ITGA1: variants seen among roughly 807,000 people sequenced by gnomAD.
ITGA1 encodes integrin subunit alpha 1.
ITGA1 carries 85 observed loss-of-function variants against 145.9 expected under a neutral mutation model. The observed-to-expected ratio is 0.58, with a 90% CI of 0.49 to 0.70. The LOEUF (loss-of-function observed/expected upper bound fraction) is 0.70. Ranked by LOEUF, ITGA1 falls within the 30% of genes least tolerant of loss-of-function variation. The pLI, the probability that ITGA1 is intolerant of heterozygous loss-of-function variation, is 0.00. For missense variants in ITGA1, 1,351 were observed against 1,418.7 expected (o/e 0.95, Z 0.77); for synonymous variants, 520 against 495.3 (o/e 1.05, Z -0.66).
intron 1 of ITGA1, among the ~76,000 whole-genome samples, chr5:52,841,157 A>G (rs546756119): frequency 7.9e-5 from 12 of 152,348 alleles, no homozygotes; most frequent in Non-Finnish European, 1.6e-4. Flanking sequence ...CTGACATATT[A>G]CATCATTTCT....
At chr5:52,865,947 C>T in intron 6 of ITGA1, 130 bp downstream of exon 6, 1 of 664,270 alleles carries the variant, frequency 1.5e-6, no homozygotes, top group South Asian at 2.7e-5. Flanking sequence ...ATATCCATTT[C>T]CTGTTCTTAT....
chr5:52,879,578 T>G (rs1282777351), intron 6 of ITGA1, among the ~76,000 whole-genome samples: 3 of 152,214 alleles, frequency 2.0e-5, no homozygotes, highest in Non-Finnish European at 2.9e-5. Context: ...GAAAAGAATT[T>G]TAAATTTATG....
intron 1 of ITGA1, among the ~76,000 whole-genome samples, chr5:52,815,878 A>C (rs1182823164): frequency 6.6e-6 from 1 of 152,254 alleles, no homozygotes; most frequent in Non-Finnish European, 1.5e-5. Context: ...ACTACAGCTG[A>C]GTTTATAATC....
intron 2 of ITGA1, among the ~76,000 whole-genome samples, chr5:52,853,287 G>A (rs1326314221): frequency 6.6e-6 from 1 of 152,150 alleles, no homozygotes; most frequent in African/African-American, 2.4e-5. Context: ...ATCTGGTAGT[G>A]CAAAATAACC....
intron 8 of ITGA1, 64 bp from the exon 9 acceptor site, chr5:52,893,611 T>G: frequency 1.4e-6 from 2 of 1,442,978 alleles, no homozygotes; most frequent in Non-Finnish European, 1.9e-6. Flanking sequence ...GACAAAATGC[T>G]TGAGATCCTT....
At chr5:52,928,040 A>G (rs549268324) in intron 20 of ITGA1, among the ~76,000 whole-genome samples, 13 of 152,302 alleles carry the variant, frequency 8.5e-5, no homozygotes, top group African/African-American at 3.1e-4. Context: ...CCAGACACTG[A>G]ATCTGTTGGT....
chr5:52,937,067 G>T, intron 23 of ITGA1, among the ~76,000 whole-genome samples: 1 of 145,264 alleles, frequency 6.9e-6, no homozygotes, highest in Admixed American at 7.0e-5. Context: ...AAAAAAGAAA[G>T]AAAAAGAAAA....
At chr5:52,940,054 G>A (rs1751030907) in intron 26 of ITGA1, 110 bp downstream of exon 26, 1 of 716,988 alleles carries the variant, frequency 1.4e-6, no homozygotes, top group Non-Finnish European at 2.5e-6. Context: ...TGTGCGACTG[G>A]AAGTATAAGA....
chr5:52,827,122 G>A (rs1272689575), intron 1 of ITGA1, among the ~76,000 whole-genome samples: 1 of 150,056 alleles, frequency 6.7e-6, no homozygotes, highest in Non-Finnish European at 1.5e-5. Context: ...TTTATGGGAG[G>A]AGGTCAAAAG....
At chr5:52,834,555 AGAGAGAGAAAG>A (rs773177350) in intron 1 of ITGA1, among the ~76,000 whole-genome samples, 11 of 79,492 alleles carry the variant, frequency 1.4e-4, no homozygotes, top group Admixed American at 5.5e-4. Context: ...AAAGAGAAAG[AGAGAGAGAAAG>A]AGAGAAGAAA....
At chr5:52,809,508 T>TA (rs1451323349) in intron 1 of ITGA1, among the ~76,000 whole-genome samples, 1 of 150,434 alleles carries the variant, frequency 6.6e-6, no homozygotes, top group East Asian at 1.9e-4. Context: ...TTTACTTTTT[T>TA]TTTTTTTTTT....
chr5:52,952,400 T>G lies in ITGA1; in HGVS notation c.3496-7T>G. ...TAATTGTGTTATGTTTTGTGTTTTC[T>G]CAACAGATTGGATTCTTCAAAAGAC... is the stretch of plus-strand genomic sequence containing the variant. On this transcript the variant is annotated splice_polypyrimidine_tract_variant and splice_region_variant and intron_variant, in intron 28 of 28. Transcript: ENST00000282588. 1 of 1,412,222 alleles carries G rather than the reference T, an allele frequency of 7.1e-7. No homozygotes were observed. Among genetic ancestry groups the G allele is most frequent in the Admixed American group, 2.3e-5 (1 of 43,964 alleles). The allele number at this position is 1,412,222 out of a possible 1,614,324, so 87.5% of individuals were successfully genotyped here.
chr5:52,926,556 T>C (rs1018045002), intron 19 of ITGA1, among the ~76,000 whole-genome samples: 25 of 152,060 alleles, frequency 1.6e-4, no homozygotes, highest in African/African-American at 6.0e-4. Flanking sequence ...GAGCCGAGAT[T>C]GCACCACTGC....
intron 11 of ITGA1, 34 bp from the exon 12 acceptor site, chr5:52,905,729 C>G (rs771623294): frequency 6.3e-7 from 1 of 1,596,796 alleles, no homozygotes; most frequent in East Asian, 2.2e-5. Context: ...CTTTAAGGGT[C>G]CAGGTGGTAT....
chr5:52,813,627 G>A (rs1033388262), intron 1 of ITGA1, among the ~76,000 whole-genome samples: 3 of 152,116 alleles, frequency 2.0e-5, no homozygotes, highest in African/African-American at 7.2e-5. Context: ...AATACACTGG[G>A]GCTTCTGAGA....
At chr5:52,801,427 C>A in intron 1 of ITGA1, 1 of 1,612,868 alleles carries the variant, frequency 6.2e-7, no homozygotes, top group South Asian at 1.1e-5. Flanking sequence ...CTCCTCCGGA[C>A]ACAAGTACTC....
intron 6 of ITGA1, among the ~76,000 whole-genome samples, chr5:52,867,944 A>C (rs1330815546): frequency 6.6e-6 from 1 of 152,018 alleles, no homozygotes; most frequent in Non-Finnish European, 1.5e-5. Flanking sequence ...TTTCTATTTC[A>C]TGAGGATGAC....
chr5:52,806,680 C>G (rs895293315), intron 1 of ITGA1, among the ~76,000 whole-genome samples: 1 of 151,990 alleles, frequency 6.6e-6, no homozygotes, highest in Non-Finnish European at 1.5e-5. Context: ...CAAGAATAAT[C>G]TGTAAAATAA....
chr5:52,933,850 T>G, intron 22 of ITGA1, 44 bp from the exon 23 acceptor site: 1 of 1,008,522 alleles, frequency 9.9e-7, no homozygotes, highest in Non-Finnish European at 1.4e-6. Flanking sequence ...AAATAAAAGT[T>G]AAACTTTGTT....
Sources: gnomAD v4.1 joint callset for allele counts (sites outside exome capture counted in the v4.1 genomes callset) on GRCh38, gnomAD v4.1.1 for gene constraint, MANE v1.5 for transcripts, NCBI Gene and HGNC (gene_info 2026-07-23, HGNC 2026-07-21) for gene names.